Variants in NDUFB8 observed in about 807,000 individuals in gnomAD.
NDUFB8 encodes the protein NADH dehydrogenase [ubiquinone] 1 beta subcomplex subunit 8, mitochondrial.
Under a neutral mutation model 26.0 loss-of-function variants are expected in NDUFB8, and 17 were observed. That is an observed-to-expected ratio of 0.65 (90% CI 0.45 to 0.98). NDUFB8 has a LOEUF of 0.98. Among genes scored for constraint, NDUFB8 ranks in the 50% least tolerant of loss-of-function variants. The pLI, the probability that NDUFB8 is intolerant of heterozygous loss-of-function variation, is 0.00. For missense variants in NDUFB8, 238 were observed against 255.0 expected, an observed-to-expected ratio of 0.93 and a Z score of 0.45; for synonymous variants, 89 against 93.1, an observed-to-expected ratio of 0.96 and a Z score of 0.25.
At chr10:100,527,546 T>C (rs573427088) in intron 2 of NDUFB8, among the ~76,000 whole-genome samples, 2 of 152,220 alleles carry the variant, frequency 1.3e-5, no homozygotes, top group East Asian at 1.9e-4. Context: ...GAGGTTGCAG[T>C]GTGCCCAGAT....
chr10:100,525,744 G>GTGTGTA (rs1852037671), intron 4 of NDUFB8, among the ~76,000 whole-genome samples: 1 of 149,132 alleles, frequency 6.7e-6, no homozygotes, highest in African/African-American at 2.5e-5. Context: ...GTGTGTGTGT[G>GTGTGTA]TGTGTGTGTG....
chr10:100,527,112 C>T (rs754800891), intron 2 of NDUFB8, 38 bp from the exon 3 acceptor site: 13 of 1,526,902 alleles, frequency 8.5e-6, no homozygotes, highest in Non-Finnish European at 1.2e-5. Flanking sequence ...GGGCTGTGAG[C>T]AGCCTCAGAC....
At chr10:100,527,539 G>A (rs1408803075) in intron 2 of NDUFB8, among the ~76,000 whole-genome samples, 1 of 152,082 alleles carries the variant, frequency 6.6e-6, no homozygotes, top group Non-Finnish European at 1.5e-5. Context: ...AGAAGTGGAG[G>A]TTGCAGTGTG....
chr10:100,526,549 G>C lies in NDUFB8; in HGVS notation c.318C>G (p.His106Gln). Residue 106 changes from histidine (H) to glutamine (Q), a missense_variant, in exon 4 of 5, where the codon CAC becomes CAG. By Grantham distance (24) the His-to-Gln change is conservative (BLOSUM62 0). Transcript: ENST00000299166. ...GLRLNWGEPM[H>Q]WHLDMYNRNR... The stretch of plus-strand genomic sequence containing the variant: ...TCCTGTTGTACATGTCTAGGTGCCA[G>C]TGCATCTGAGGCAGAAAGACAAATA... 6.2e-7 allele frequency: 1 copy of C among 1,613,234 alleles called. No individual in the cohort carries two copies. Among genetic ancestry groups the C allele is most frequent in the Non-Finnish European group, 8.5e-7 (1 of 1,179,824 alleles).
At chr10:100,529,101 A>G in intron 2 of NDUFB8, 1 of 287,410 alleles carries the variant, frequency 3.5e-6, no homozygotes. Flanking sequence ...GGATAGAGCC[A>G]AGGAAGGCTC....
Position 100,526,436 on chromosome 10 carries a change from C to A in NDUFB8, c.431G>T (p.Cys144Phe). ...GACAGGGTACACGTCCCCCACCCAGCACATGAATATCATGAAAGCCAGGAA... is the reference window on the plus strand; with the variant it reads ...GACAGGGTACACGTCCCCCACCCAGAACATGAATATCATGAAAGCCAGGAA... The part of the protein sequence containing the change: ...FGFLAFMIFM[C>F]WVGDVYPVYQ... The change falls in exon 4 of 5, where the codon TGC (cysteine) becomes TTC (phenylalanine). Residue 144 changes from cysteine to phenylalanine, a missense_variant. Coordinates refer to ENST00000299166, the MANE Select transcript of NDUFB8 (RefSeq NM_005004.4). 6.2e-7 allele frequency: 1 copy of A among 1,611,672 alleles called. No individual in the cohort carries two copies. The highest frequency in any genetic ancestry group is 8.5e-7 in the Non-Finnish European group (1 of 1,179,342).
chr10:100,525,223 A>T, intron 4 of NDUFB8, among the ~76,000 whole-genome samples: 1 of 148,360 alleles, frequency 6.7e-6, no homozygotes, highest in Non-Finnish European at 1.5e-5. Flanking sequence ...CCTCTATTCT[A>T]CTCCAGCTAA....
At chr10:100,525,028 A>G (rs1232446548) in intron 4 of NDUFB8, among the ~76,000 whole-genome samples, 1 of 152,206 alleles carries the variant, frequency 6.6e-6, no homozygotes, top group African/African-American at 2.4e-5. Context: ...AATATTTTTT[A>G]ACACAGTGAT....
rs755033805 is a variant in NDUFB8 at position 100,523,928 on chromosome 10, C to G, written c.470G>C (p.Gly157Ala). 2 of 1,613,936 alleles carry G rather than the reference C, an allele frequency of 1.2e-6. No homozygotes were observed. The highest frequency in any genetic ancestry group is 3.3e-5 in the Admixed American group (2 of 59,986). ...GDVYPVYQPVGPKQYPYNNLY... is the reference protein window; with the variant it reads ...GDVYPVYQPVAPKQYPYNNLY... ...ATTATTGTAAGGATACTGCTTTGGT[C>G]CCTACAGAAAAAAACACAGGTCAGC... The change falls in exon 5 of 5, where the codon GGA becomes GCA. Residue 157 changes from glycine (G) to alanine (A), a missense_variant and splice_region_variant. Transcript: ENST00000299166.
chr10:100,524,185 G>A lies in NDUFB8; in HGVS notation c.469-256C>T. On this transcript the variant is annotated intron_variant, in intron 4 of 4. Coordinates refer to ENST00000299166, the MANE Select transcript of NDUFB8 (RefSeq NM_005004.4). The surrounding 1 kb of genome is among the most constrained non-coding windows in gnomAD (Gnocchi z 4.0). Reference sequence around the variant, plus strand: ...GGGGGAGGGAAGGGGGTTAGGGAAAGGAGGGGAAGGGAGGAAGACAGGGAG... The same window carrying A: ...GGGGGAGGGAAGGGGGTTAGGGAAAAGAGGGGAAGGGAGGAAGACAGGGAG... 1.4e-6 allele frequency: 2 copies of A among 1,476,000 alleles called. No individual in the cohort carries two copies. Among genetic ancestry groups the A allele is most frequent in the Middle Eastern group, 1.7e-4 (1 of 5,858 alleles). The allele number at this position is 1,476,000 out of a possible 1,614,324, so 91.4% of individuals were successfully genotyped here.
chr10:100,526,769 T>A (rs1852058509), intron 3 of NDUFB8: 6 of 726,402 alleles, frequency 8.3e-6, no homozygotes, highest in Non-Finnish European at 1.4e-5. Context: ...ATCATGGAAG[T>A]GCACAACTTT....
At chr10:100,526,238 C>T in intron 4 of NDUFB8, 161 bp downstream of exon 4, 2 of 716,900 alleles carry the variant, frequency 2.8e-6, no homozygotes, top group Admixed American at 7.7e-5. Context: ...TGCTGTGGTA[C>T]TTGTGGCAGG....
At chr10:100,526,650 A>G in intron 3 of NDUFB8, 96 bp from the exon 4 acceptor site, 3 of 1,417,248 alleles carry the variant, frequency 2.1e-6, no homozygotes, top group Non-Finnish European at 2.9e-6. Flanking sequence ...GCTAGACAGA[A>G]GCATTCTACT....
At chr10:100,526,926 CAAGAAGACAAAG>C in intron 3 of NDUFB8, 37 bp downstream of exon 3, 1 of 1,552,244 alleles carries the variant, frequency 6.4e-7, no homozygotes, top group Non-Finnish European at 8.9e-7. Context: ...AAAGAATCGC[CAAGAAGACAAAG>C]AGAGAAGGAA....
At position 100,529,666 on chromosome 10, in the gene NDUFB8, T is replaced by C. The variant is rs554769988; in HGVS notation, c.85+101A>G. 354 of 1,540,008 alleles carry C rather than the reference T, an allele frequency of 2.3e-4. No homozygotes were observed. The African/African-American group carries it at 4.3e-3, about 19-fold the overall frequency. ...ATATATCAACGCCACCTCCACTCCCTACCCGGAGGCTGCCGCCGCGGCATC... is the reference window on the plus strand; with the variant it reads ...ATATATCAACGCCACCTCCACTCCCCACCCGGAGGCTGCCGCCGCGGCATC... On this transcript the variant is annotated intron_variant, in intron 1 of 4. Coordinates refer to ENST00000299166, the MANE Select transcript of NDUFB8 (RefSeq NM_005004.4).
rs371563487 is a variant in NDUFB8, at chr10:100,526,425, C to T, written c.442G>A (p.Asp148Asn). The T allele has an allele frequency of 1.2e-6, 2 of 1,609,920 alleles. No individual in the cohort carries two copies. The highest frequency in any genetic ancestry group is 1.7e-5 in the Admixed American group (1 of 58,562). The part of the protein sequence containing the change: ...AFMIFMCWVG[D>N]VYPVYQPVGP... Reference sequence around the variant, plus strand: ...ACAGGCTGGTAGACAGGGTACACGTCCCCCACCCAGCACATGAATATCATG... The same window carrying T: ...ACAGGCTGGTAGACAGGGTACACGTTCCCCACCCAGCACATGAATATCATG... The change falls in exon 4 of 5, where the codon GAC becomes AAC. Residue 148 changes from aspartate (D) to asparagine (N), a missense_variant. Physicochemically the swap from Asp to Asn is conservative, Grantham distance 23. Coordinates refer to ENST00000299166, the MANE Select transcript of NDUFB8 (RefSeq NM_005004.4).
rs953687703 is a variant in NDUFB8 at position 100,524,009 on chromosome 10, G to A, written c.469-80C>T. 8.1e-6 allele frequency: 13 copies of A among 1,602,784 alleles called. No homozygotes were observed. The Admixed American group carries it at 1.0e-4, about 13-fold the overall frequency. ...CACCCCACTCTGAGTTAACAATCACGCATGGTAAATGGGTACACAGTAGCC... is the reference window on the plus strand; with the variant it reads ...CACCCCACTCTGAGTTAACAATCACACATGGTAAATGGGTACACAGTAGCC... On this transcript the variant is annotated intron_variant, in intron 4 of 4. Coordinates refer to ENST00000299166, the MANE Select transcript of NDUFB8 (RefSeq NM_005004.4). The surrounding 1 kb of genome is among the most constrained non-coding windows in gnomAD (Gnocchi z 4.0).
chr10:100,523,754 G>T lies in NDUFB8; in HGVS notation c.*83C>A. The T allele has an allele frequency of 1.5e-6, 2 of 1,320,186 alleles. No homozygotes were observed. Among genetic ancestry groups the T allele is most frequent in the Non-Finnish European group, 2.1e-6 (2 of 931,448 alleles). The allele number at this position is 1,320,186 out of a possible 1,614,324, so 81.8% of individuals were successfully genotyped here. On this transcript the variant is annotated 3_prime_UTR_variant, in exon 5 of 5. Coordinates refer to ENST00000299166, the MANE Select transcript of NDUFB8 (RefSeq NM_005004.4). ...TGAGGCACAAATAACACAGCACTGA[G>T]TTTTATTAGGGATTTCATTAAGGTT...
Position 100,527,081 on chromosome 10 carries a change from G to C in NDUFB8, c.213-7C>G. 6.2e-7 allele frequency: 1 copy of C among 1,612,912 alleles called. No homozygotes were observed. Among genetic ancestry groups the C allele is most frequent in the African/African-American group, 1.3e-5 (1 of 74,978 alleles). ...CTTCGGGTAGTCGCCATACCTGAAAGACAGCAAGAACTTCTGGAAAGGGCT... is the reference window on the plus strand; with the variant it reads ...CTTCGGGTAGTCGCCATACCTGAAACACAGCAAGAACTTCTGGAAAGGGCT... On this transcript the variant is annotated splice_polypyrimidine_tract_variant and splice_region_variant and intron_variant, in intron 2 of 4. Coordinates refer to ENST00000299166, the MANE Select transcript of NDUFB8 (RefSeq NM_005004.4).
Sources: allele counts gnomAD v4.1 joint callset (sites outside exome capture counted in the v4.1 genomes callset), GRCh38; gene constraint gnomAD v4.1.1; non-coding constraint Gnocchi (gnomAD v3.1); transcripts MANE v1.5; gene names NCBI Gene and HGNC (gene_info 2026-07-23, HGNC 2026-07-21).